The following DYNC2H1 variants were observed in gnomAD, a reference collection of about 807,000 sequenced individuals.
The protein encoded by DYNC2H1 is dynein cytoplasmic 2 heavy chain 1.
Under a neutral mutation model 570.0 loss-of-function variants are expected in DYNC2H1, and 410 were observed. The ratio of observed to expected loss-of-function variants is 0.72; its 90% CI spans 0.66 to 0.78. The LOEUF (loss-of-function observed/expected upper bound fraction) is 0.78, where lower values mean the gene tolerates loss of function less well. Ranked by LOEUF, DYNC2H1 falls within the 30% of genes least tolerant of loss-of-function variation. The probability of loss-of-function intolerance (pLI) is 0.00; values close to 1 mark genes in which losing one functional copy is unlikely to be tolerated. For missense variants in DYNC2H1, 4,865 were observed against 5,046.4 expected (o/e 0.96, Z 1.09); for synonymous variants, 1,688 against 1,677.6 (o/e 1.01, Z -0.15).
intron 68 of DYNC2H1, among the ~76,000 whole-genome samples, chr11:103,257,339 C>T (rs934369945): frequency 6.6e-6 from 1 of 152,076 alleles, no homozygotes. Flanking sequence ...AAAAGCAGAA[C>T]GAGTTTAGTG....
In DYNC2H1 at chr11:103,325,703, G is replaced by T. The variant is rs951295972; in HGVS notation, c.12039+1713G>T. 6.6e-6 allele frequency among the ~76,000 whole-genome samples: 1 copy of T among 151,142 alleles called. No homozygotes were observed. Among genetic ancestry groups the T allele is most frequent in the Non-Finnish European group, 1.5e-5 (1 of 67,930 alleles). ...GTTCAGTTTGGTTCTTCCTTAAAAT[G>T]CCTGTTTCATTTTTGAGCTCTTGGA... On this transcript the variant is annotated intron_variant, in intron 82 of 88. Transcript: ENST00000375735. This position sits in a 1 kb window ranked among gnomAD's most constrained non-coding sequence, Gnocchi z 4.8.
rs761190165 is a variant in DYNC2H1 at position 103,186,328 on chromosome 11, A to G, written c.6720A>G (p.Thr2240=). ...ACTCTACTAGGGGTCGATTAGCAAC[A>G]TATGTGCTTAAGAAGCCAGAAGACT... The part of the protein sequence containing the change: ...YYDSTRGRLA[T]YVLKKPEDLT... Residue 2240 remains threonine (T), a synonymous_variant, in exon 42 of 89, where the codon ACA becomes ACG. Coordinates refer to ENST00000375735, the MANE Select transcript of DYNC2H1 (RefSeq NM_001377.3). This position sits in a 1 kb window ranked among gnomAD's most constrained non-coding sequence, Gnocchi z 4.5. 7 of 1,612,640 alleles carry G rather than the reference A, an allele frequency of 4.3e-6. No individual in the cohort carries two copies. Among genetic ancestry groups the G allele is most frequent in the Middle Eastern group, 1.6e-4 (1 of 6,078 alleles).
chr11:103,219,082 T>C (rs988297249), intron 55 of DYNC2H1, among the ~76,000 whole-genome samples: 5 of 152,190 alleles, frequency 3.3e-5, no homozygotes, highest in African/African-American at 9.7e-5. Context: ...TGTTTTATTA[T>C]GATTGTTTAA....
chr11:103,216,637 TA>T (rs1207110881), intron 55 of DYNC2H1, among the ~76,000 whole-genome samples: 1 of 151,780 alleles, frequency 6.6e-6, no homozygotes, highest in Admixed American at 6.6e-5. Context: ...ACAAAAAAAG[TA>T]AAAATTAGTT....
intron 84 of DYNC2H1, among the ~76,000 whole-genome samples, chr11:103,413,954 G>GGA (rs1308602187): frequency 6.6e-6 from 1 of 151,778 alleles, no homozygotes; most frequent in Non-Finnish European, 1.5e-5. Flanking sequence ...CATTCATTTA[G>GGA]CAAATAAAAA....
In DYNC2H1 at chr11:103,275,109, A is replaced by C. The variant is rs1865859297; in HGVS notation, c.10696-5239A>C. The stretch of plus-strand genomic sequence containing the variant: ...ACTCCGTCTCAAAAATAAATAAATA[A>C]ATAAATAAAATAAAATTTATCTATG... On this transcript the variant is annotated intron_variant, in intron 70 of 88. Coordinates refer to ENST00000375735, the MANE Select transcript of DYNC2H1 (RefSeq NM_001377.3). This position sits in a 1 kb window ranked among gnomAD's most constrained non-coding sequence, Gnocchi z 4.8. Among the ~76,000 whole-genome samples, 1 of 152,278 alleles carries C rather than the reference A, an allele frequency of 6.6e-6. No homozygotes were observed. The highest frequency in any genetic ancestry group is 1.9e-4 in the East Asian group (1 of 5,188).
intron 35 of DYNC2H1, 37 bp from the exon 36 acceptor site, chr11:103,174,018 G>A (rs1419857870): frequency 7.1e-7 from 1 of 1,401,296 alleles, no homozygotes. Context: ...ATTTCTTCTA[G>A]CTATTTGATG....
In DYNC2H1 at chr11:103,261,978, A is replaced by G. The variant is rs1293613306; in HGVS notation, c.10695+2001A>G. On this transcript the variant is annotated intron_variant, in intron 70 of 88. Transcript: ENST00000375735. This position sits in a 1 kb window ranked among gnomAD's most constrained non-coding sequence, Gnocchi z 4.8. The stretch of plus-strand genomic sequence containing the variant: ...AAAAAGGTTAGAGGAATTGCTAACT[A>G]GAATAACCAGTTTAGAGAAGAACAT... Among the ~76,000 whole-genome samples, 1 of 152,232 alleles carries G rather than the reference A, an allele frequency of 6.6e-6. No individual in the cohort carries two copies. Among genetic ancestry groups the G allele is most frequent in the East Asian group, 1.9e-4 (1 of 5,198 alleles).
intron 84 of DYNC2H1, chr11:103,402,209 A>C (rs532093646): frequency 3.4e-4 from 52 of 152,250 alleles, no homozygotes; most frequent in Middle Eastern, 6.8e-3. Context: ...GAGACTTCTA[A>C]GGGGTTGAGG....
chr11:103,321,360 G>C lies in DYNC2H1; in HGVS notation c.11934+123G>C, dbSNP rs313406. 525,738 of 1,067,816 alleles carry C rather than the reference G, an allele frequency of 0.49. 132,769 individuals carry two copies. Among genetic ancestry groups the C allele is most frequent in the Admixed American group, 0.62 (30,062 of 48,680 alleles). The allele number at this position is 1,067,816 out of a possible 1,614,324, so 66.1% of individuals were successfully genotyped here. On this transcript the variant is annotated intron_variant, in intron 81 of 88. Transcript: ENST00000375735. ...TAATTATTCACAGTTTGGATTATTTGTTATGACAATATATGGCTTGATTCT... is the reference window on the plus strand; with the variant it reads ...TAATTATTCACAGTTTGGATTATTTCTTATGACAATATATGGCTTGATTCT...
At chr11:103,266,113 G>A (rs1865494001) in intron 70 of DYNC2H1, among the ~76,000 whole-genome samples, 1 of 152,178 alleles carries the variant, frequency 6.6e-6, no homozygotes, top group African/African-American at 2.4e-5. Context: ...GTGACCGCTG[G>A]TCACTACACT....
chr11:103,342,413 C>G (rs978594703), intron 82 of DYNC2H1, among the ~76,000 whole-genome samples: 1 of 152,100 alleles, frequency 6.6e-6, no homozygotes, highest in Non-Finnish European at 1.5e-5. Context: ...CCAGCTGCAG[C>G]AAGCTGCTCC....
At chr11:103,234,320 A>AAATT (rs1864138741) in intron 61 of DYNC2H1, among the ~76,000 whole-genome samples, 160 bp downstream of exon 61, 2 of 151,990 alleles carry the variant, frequency 1.3e-5, no homozygotes, top group African/African-American at 4.8e-5. Flanking sequence ...TTACTCTTTA[A>AAATT]ACAAAGCGTC....
chr11:103,369,697 G>A lies in DYNC2H1; in HGVS notation c.12156+11338G>A, dbSNP rs113256675. ...AGGCCCTAGCTCCCGGGCAACATTCGTAGACACTCACTGCATCAGAAAGCA... is the reference window on the plus strand; with the variant it reads ...AGGCCCTAGCTCCCGGGCAACATTCATAGACACTCACTGCATCAGAAAGCA... On this transcript the variant is annotated intron_variant, in intron 83 of 88. Transcript: ENST00000375735. The surrounding 1 kb of genome is among the most constrained non-coding windows in gnomAD (Gnocchi z 4.0). Among the ~76,000 whole-genome samples, 50 of 152,262 alleles carry A rather than the reference G, an allele frequency of 3.3e-4. No individual in the cohort carries two copies. The highest frequency in any genetic ancestry group is 1.0e-3 in the African/African-American group (42 of 41,530).
rs1001380884 is a variant in DYNC2H1 at position 103,461,586 on chromosome 11, C to T, written c.12648+5230C>T. Among the ~76,000 whole-genome samples, 1 of 152,294 alleles carries T rather than the reference C, an allele frequency of 6.6e-6. No individual in the cohort carries two copies. ...CTGAGAGAGGATTGCCCTAGCAACA[C>T]TTCGAGTGCTCAGTAGCCATATGCG... On this transcript the variant is annotated intron_variant, in intron 87 of 88. Transcript: ENST00000375735. The surrounding 1 kb of genome is among the most constrained non-coding windows in gnomAD (Gnocchi z 4.8).
intron 59 of DYNC2H1, among the ~76,000 whole-genome samples, chr11:103,223,575 A>AATTT (rs1565409043): frequency 4.3e-4 from 3 of 7,002 alleles, no homozygotes; most frequent in African/African-American, 7.8e-4. Context: ...TTTAGTAGAG[A>AATTT]CTAAAATAAC....
At chr11:103,353,638 A>G (rs892140999) in intron 82 of DYNC2H1, among the ~76,000 whole-genome samples, 1 of 152,084 alleles carries the variant, frequency 6.6e-6, no homozygotes, top group Non-Finnish European at 1.5e-5. Context: ...TTTTCCCTGT[A>G]ATACTTTTTG....
At chr11:103,210,653 A>G (rs1565398717) in intron 53 of DYNC2H1, among the ~76,000 whole-genome samples, 1 of 152,120 alleles carries the variant, frequency 6.6e-6, no homozygotes, top group Non-Finnish European at 1.5e-5. Context: ...AGACTAGCAG[A>G]TATTATAGGA....
chr11:103,312,144 G>A, intron 79 of DYNC2H1, 111 bp downstream of exon 79: 4 of 1,127,166 alleles, frequency 3.5e-6, no homozygotes, highest in Non-Finnish European at 4.9e-6. Flanking sequence ...ACTGTGGGAG[G>A]CCAAGGTGGG....
Sources: allele counts gnomAD v4.1 joint callset (sites outside exome capture counted in the v4.1 genomes callset), GRCh38; gene constraint gnomAD v4.1.1; non-coding constraint Gnocchi (gnomAD v3.1); transcripts MANE v1.5; gene names NCBI Gene and HGNC (gene_info 2026-07-23, HGNC 2026-07-21).